SPOCK1: variants seen among roughly 807,000 people sequenced by gnomAD.
SPOCK1 encodes SPARC (osteonectin), cwcv and kazal like domains proteoglycan 1.
Under a neutral mutation model 55.3 loss-of-function variants are expected in SPOCK1, and 23 were observed. That is an observed-to-expected ratio of 0.42 (90% CI 0.30 to 0.59). The LOEUF (loss-of-function observed/expected upper bound fraction) is 0.59. Among genes scored for constraint, SPOCK1 ranks in the 20% least tolerant of loss-of-function variants. The pLI, the probability that SPOCK1 is intolerant of heterozygous loss-of-function variation, is 0.22. For synonymous variants in SPOCK1, 226 were observed against 221.0 expected (o/e 1.02, Z -0.20); for missense variants, 499 against 552.5 (o/e 0.90, Z 0.97).
intron 6 of SPOCK1, among the ~76,000 whole-genome samples, chr5:137,037,736 T>G (rs1396528389): frequency 6.6e-6 from 1 of 152,124 alleles, no homozygotes; most frequent in East Asian, 1.9e-4. Context: ...GATACATAAA[T>G]ACGCGTTGGG....
intron 4 of SPOCK1, among the ~76,000 whole-genome samples, chr5:137,127,869 T>C (rs1753805850): frequency 6.6e-6 from 1 of 152,216 alleles, no homozygotes; most frequent in South Asian, 2.1e-4. Flanking sequence ...ACTTAAGACT[T>C]TAAAGTTGAT....
At chr5:137,003,355 C>A (rs2126969981) in intron 6 of SPOCK1, among the ~76,000 whole-genome samples, 1 of 152,278 alleles carries the variant, frequency 6.6e-6, no homozygotes, top group East Asian at 1.9e-4. Context: ...GCCAAGGAGG[C>A]ACCACTGCAC....
chr5:136,995,319 C>G (rs1751020536), intron 6 of SPOCK1, among the ~76,000 whole-genome samples: 1 of 152,180 alleles, frequency 6.6e-6, no homozygotes, highest in African/African-American at 2.4e-5. Flanking sequence ...GCCATGCTCC[C>G]AAATAGCAGG....
intron 3 of SPOCK1, among the ~76,000 whole-genome samples, chr5:137,212,304 T>C (rs1755632580): frequency 1.3e-5 from 2 of 151,718 alleles, no homozygotes; most frequent in South Asian, 4.2e-4. Context: ...GTGTTGAGAG[T>C]AGAGAGAAAA....
intron 5 of SPOCK1, among the ~76,000 whole-genome samples, chr5:137,073,311 A>G (rs1446676119): frequency 1.3e-5 from 2 of 152,190 alleles, no homozygotes; most frequent in Non-Finnish European, 2.9e-5. Flanking sequence ...AGAGGGAATG[A>G]TGTATGGTGT....
chr5:137,052,950 A>T (rs1325902075), intron 6 of SPOCK1, among the ~76,000 whole-genome samples: 2 of 151,332 alleles, frequency 1.3e-5, no homozygotes, highest in African/African-American at 4.9e-5. Flanking sequence ...TGTCTTCTCC[A>T]GTTAGGTGGT....
Position 137,310,049 on chromosome 5 carries a change from T to C in SPOCK1, c.187-42994A>G, listed in dbSNP as rs890940916. Among the ~76,000 whole-genome samples, 5 of 152,104 alleles carry C rather than the reference T, an allele frequency of 3.3e-5. No individual in the cohort carries two copies. The South Asian group carries it at 1.0e-3, about 32-fold the overall frequency. ...GAGGCACAAAAGCCTAAAGAGAGCA[T>C]AGACTTTCAAGCCAGGATCCTGTGA... On this transcript the variant is annotated intron_variant, in intron 2 of 10. Transcript: ENST00000394945.
chr5:137,138,781 G>A (rs1754040512), intron 4 of SPOCK1, among the ~76,000 whole-genome samples: 1 of 151,330 alleles, frequency 6.6e-6, no homozygotes, highest in Admixed American at 6.6e-5. Flanking sequence ...GGTAGGAATA[G>A]GGTCTCTTGT....
At chr5:137,079,878 A>G (rs1752851265) in intron 5 of SPOCK1, among the ~76,000 whole-genome samples, 1 of 151,850 alleles carries the variant, frequency 6.6e-6, no homozygotes, top group Non-Finnish European at 1.5e-5. Flanking sequence ...TGACATTTCC[A>G]GCCCACCCCA....
intron 2 of SPOCK1, among the ~76,000 whole-genome samples, chr5:137,308,758 T>TA (rs1757743453): frequency 1.3e-5 from 2 of 152,306 alleles, no homozygotes; most frequent in Admixed American, 6.5e-5. Context: ...CCCTGACAGA[T>TA]ACACCATCTA....
chr5:137,330,188 A>G (rs1384000319), intron 2 of SPOCK1, among the ~76,000 whole-genome samples: 1 of 152,152 alleles, frequency 6.6e-6, no homozygotes, highest in Non-Finnish European at 1.5e-5. Flanking sequence ...GCTGCCCTGT[A>G]TCTCCACTCA....
chr5:137,200,266 A>T (rs1039224083), intron 3 of SPOCK1, among the ~76,000 whole-genome samples: 2 of 152,008 alleles, frequency 1.3e-5, no homozygotes, highest in African/African-American at 4.8e-5. Context: ...CCTCTCCCCA[A>T]TGTCCCTGCC....
intron 2 of SPOCK1, among the ~76,000 whole-genome samples, chr5:137,288,726 CG>C (rs1757312676): frequency 6.6e-6 from 1 of 152,196 alleles, no homozygotes; most frequent in African/African-American, 2.4e-5. Context: ...AAGTCCCTCA[CG>C]GTTTATCCAG....
At chr5:137,165,346 C>A (rs1206675036) in intron 3 of SPOCK1, among the ~76,000 whole-genome samples, 1 of 152,314 alleles carries the variant, frequency 6.6e-6, no homozygotes, top group Admixed American at 6.5e-5. Flanking sequence ...TCTACAAAAC[C>A]AGAGCATGAC....
intron 2 of SPOCK1, among the ~76,000 whole-genome samples, chr5:137,342,320 T>C (rs1750449564): frequency 1.3e-5 from 2 of 152,136 alleles, no homozygotes; most frequent in Admixed American, 1.3e-4. Flanking sequence ...AAATTAAAAA[T>C]CTGAAAGGTA....
intron 2 of SPOCK1, among the ~76,000 whole-genome samples, chr5:137,315,364 C>G (rs975241991): frequency 6.6e-6 from 1 of 152,154 alleles, no homozygotes; most frequent in African/African-American, 2.4e-5. Flanking sequence ...CTCTGAACCA[C>G]GTATGGCGAT....
intron 3 of SPOCK1, among the ~76,000 whole-genome samples, chr5:137,187,769 G>A (rs1262199168): frequency 6.6e-6 from 1 of 152,080 alleles, no homozygotes; most frequent in Non-Finnish European, 1.5e-5. Context: ...TAGTTATGTG[G>A]GAGCCTAAAA....
chr5:137,223,575 A>C (rs1755896092), intron 3 of SPOCK1, among the ~76,000 whole-genome samples: 1 of 152,216 alleles, frequency 6.6e-6, no homozygotes, highest in Non-Finnish European at 1.5e-5. Flanking sequence ...AATGACTCCC[A>C]ATGTTATCTC....
chr5:137,168,965 G>A (rs1056314466), intron 3 of SPOCK1, among the ~76,000 whole-genome samples: 1 of 152,122 alleles, frequency 6.6e-6, no homozygotes, highest in African/African-American at 2.4e-5. Context: ...ATCGACAGAT[G>A]AATGAACAAA....
Sources: allele counts gnomAD v4.1 joint callset (sites outside exome capture counted in the v4.1 genomes callset), GRCh38; gene constraint gnomAD v4.1.1; transcripts MANE v1.5; gene names NCBI Gene and HGNC (gene_info 2026-07-23, HGNC 2026-07-21).